The following ANO2 variants were observed in gnomAD, a reference collection of about 807,000 sequenced individuals.
The protein encoded by ANO2 is anoctamin-2.
In ANO2, 101 loss-of-function variants were observed where a neutral mutation model predicts 124.2. The observed-to-expected ratio is 0.81, with a 90% CI of 0.69 to 0.96. The LOEUF (loss-of-function observed/expected upper bound fraction) is 0.96. Among genes scored for constraint, ANO2 ranks in the 40% least tolerant of loss-of-function variants. The pLI, the probability that ANO2 is intolerant of heterozygous loss-of-function variation, is 0.00. For missense variants in ANO2, 1,293 were observed against 1,274.5 expected (o/e 1.01, Z -0.22); for synonymous variants, 486 against 482.5 (o/e 1.01, Z -0.09).
chr12:5,578,908 A>G (rs963301118), intron 20 of ANO2, among the ~76,000 whole-genome samples: 1 of 152,156 alleles, frequency 6.6e-6, no homozygotes, highest in Non-Finnish European at 1.5e-5. Flanking sequence ...TTTTGTCACA[A>G]CGACTCAACT....
intron 20 of ANO2, among the ~76,000 whole-genome samples, chr12:5,595,367 T>G (rs1337702628): frequency 4.0e-5 from 3 of 75,606 alleles, no homozygotes; most frequent in Admixed American, 1.4e-4. Flanking sequence ...CACTCTACTG[T>G]TTTTTTTTCT....
chr12:5,642,986 T>A (rs188864835), intron 15 of ANO2, among the ~76,000 whole-genome samples: 4 of 152,194 alleles, frequency 2.6e-5, no homozygotes, highest in Non-Finnish European at 4.4e-5. Context: ...TAATGAGAAC[T>A]TACCTGACCA....
intron 10 of ANO2, among the ~76,000 whole-genome samples, chr12:5,762,063 CTG>C (rs1951758973): frequency 6.6e-6 from 1 of 151,968 alleles, no homozygotes; most frequent in Non-Finnish European, 1.5e-5. Flanking sequence ...AATTGTATAA[CTG>C]TATTTTTAAA....
At chr12:5,749,095 G>C (rs968824616) in intron 11 of ANO2, among the ~76,000 whole-genome samples, 2 of 152,178 alleles carry the variant, frequency 1.3e-5, no homozygotes, top group African/African-American at 4.8e-5. Flanking sequence ...TCTGATTTGT[G>C]AGACCATTTC....
chr12:5,885,299 A>G (rs1298998427), intron 3 of ANO2, among the ~76,000 whole-genome samples: 2 of 152,256 alleles, frequency 1.3e-5, no homozygotes, highest in African/African-American at 4.8e-5. Flanking sequence ...AGCTGATCTC[A>G]AAGTTTTGCA....
At chr12:5,704,829 G>A (rs1358503495) in intron 14 of ANO2, among the ~76,000 whole-genome samples, 5 of 152,090 alleles carry the variant, frequency 3.3e-5, no homozygotes, top group African/African-American at 9.7e-5. Flanking sequence ...CAGATATGAA[G>A]GAACTGCATG....
chr12:5,605,964 T>C lies in ANO2; in HGVS notation c.2088-6335A>G, dbSNP rs1944200963. 2.0e-5 allele frequency among the ~76,000 whole-genome samples: 3 copies of C among 152,182 alleles called. 1 individual carries two copies. Among genetic ancestry groups the C allele is most frequent in the Admixed American group, 2.0e-4 (3 of 15,282 alleles). Reference sequence around the variant, plus strand: ...GTCAGGCCCCAAGAGCCTGGGGTTGTGTGAGTGGGGACCATTCAAAGCCAG... The same window carrying C: ...GTCAGGCCCCAAGAGCCTGGGGTTGCGTGAGTGGGGACCATTCAAAGCCAG... On this transcript the variant is annotated intron_variant, in intron 19 of 24. Transcript: ENST00000682330.
chr12:5,621,919 T>C (rs987961623), intron 16 of ANO2, among the ~76,000 whole-genome samples: 1 of 152,018 alleles, frequency 6.6e-6, no homozygotes, highest in African/African-American at 2.4e-5. Flanking sequence ...CAATAGGATG[T>C]TTTTTCTTTT....
intron 14 of ANO2, among the ~76,000 whole-genome samples, chr12:5,715,582 C>T (rs987768356): frequency 2.0e-4 from 31 of 152,186 alleles, no homozygotes; most frequent in Non-Finnish European, 2.9e-5. Flanking sequence ...GCAAGAAGAG[C>T]AACAGCCTCC....
At chr12:5,855,814 C>T (rs1045009244) in intron 3 of ANO2, among the ~76,000 whole-genome samples, 1 of 152,208 alleles carries the variant, frequency 6.6e-6, no homozygotes. Flanking sequence ...TCAGACATGA[C>T]ATGGTCACTC....
intron 14 of ANO2, among the ~76,000 whole-genome samples, chr12:5,695,946 G>T (rs1037091400): frequency 6.6e-6 from 1 of 152,158 alleles, no homozygotes; most frequent in Non-Finnish European, 1.5e-5. Context: ...GCTCACTGAT[G>T]AATCCACAGA....
chr12:5,727,875 C>T (rs1950504873), intron 14 of ANO2, among the ~76,000 whole-genome samples: 1 of 151,448 alleles, frequency 6.6e-6, no homozygotes, highest in African/African-American at 2.4e-5. Context: ...CGTGCAATCT[C>T]GGCTCACTGC....
intron 14 of ANO2, among the ~76,000 whole-genome samples, chr12:5,666,957 G>A (rs889474234): frequency 8.5e-5 from 13 of 152,350 alleles, no homozygotes; most frequent in African/African-American, 3.1e-4. Context: ...CATGCAGGTG[G>A]AATGTGCTCA....
intron 14 of ANO2, among the ~76,000 whole-genome samples, chr12:5,719,952 G>T (rs11832702): frequency 1.3e-5 from 2 of 151,896 alleles, no homozygotes. Flanking sequence ...GAATTTTGCA[G>T]TTGAATCACT....
chr12:5,640,654 G>A (rs1232032253), intron 15 of ANO2, among the ~76,000 whole-genome samples: 2 of 152,180 alleles, frequency 1.3e-5, no homozygotes, highest in Admixed American at 6.5e-5. Flanking sequence ...TCAGAGAAAT[G>A]CAAATCAAAA....
intron 1 of ANO2, among the ~76,000 whole-genome samples, chr12:5,937,701 T>A (rs554675569): frequency 3.7e-4 from 56 of 152,260 alleles, no homozygotes; most frequent in African/African-American, 1.3e-3. Context: ...ACTTTGAGCT[T>A]ATGTAGGAGT....
chr12:5,881,224 T>C (rs549355930), intron 3 of ANO2, among the ~76,000 whole-genome samples: 9 of 152,260 alleles, frequency 5.9e-5, no homozygotes, highest in Middle Eastern at 6.8e-3. Flanking sequence ...TGTGGCAGAA[T>C]GTCAAGAGCA....
chr12:5,640,552 A>C (rs1438685169), intron 15 of ANO2, among the ~76,000 whole-genome samples: 3 of 152,226 alleles, frequency 2.0e-5, no homozygotes, highest in African/African-American at 4.8e-5. Flanking sequence ...ACCCCATCAA[A>C]AAGGGTGCAA....
At chr12:5,752,878 T>A (rs192059332) in intron 10 of ANO2, among the ~76,000 whole-genome samples, 361 of 152,316 alleles carry the variant, frequency 2.4e-3, no homozygotes, top group Non-Finnish European at 4.2e-3. Context: ...CATTTTAAGT[T>A]GGGTTTTTGT....
Sources: allele counts gnomAD v4.1 joint callset (sites outside exome capture counted in the v4.1 genomes callset), GRCh38; gene constraint gnomAD v4.1.1; transcripts MANE v1.5; gene names NCBI Gene and HGNC (gene_info 2026-07-23, HGNC 2026-07-21).